PDE11A: variants seen among roughly 807,000 people sequenced by gnomAD.
PDE11A encodes phosphodiesterase 11A.
A neutral mutation model predicts 100.5 loss-of-function variants in PDE11A; 100 were observed. The ratio of observed to expected loss-of-function variants is 1.00; its 90% CI spans 0.85 to 1.18. The LOEUF (loss-of-function observed/expected upper bound fraction) is 1.18. Ranked by LOEUF, PDE11A falls within the 50% of genes most tolerant of loss-of-function variation. The pLI, the probability that PDE11A is intolerant of heterozygous loss-of-function variation, is 0.00. For missense variants in PDE11A, 1,141 were observed against 1,152.6 expected (o/e 0.99, Z 0.15); for synonymous variants, 381 against 420.8 (o/e 0.91, Z 1.16).
At chr2:177,940,238 T>G (rs1262216060) in intron 2 of PDE11A, among the ~76,000 whole-genome samples, 1 of 152,194 alleles carries the variant, frequency 6.6e-6, no homozygotes, top group Non-Finnish European at 1.5e-5. Flanking sequence ...AACAGTATCT[T>G]TTAAAGATTT....
chr2:177,642,417 C>T (rs1358486960), intron 19 of PDE11A, among the ~76,000 whole-genome samples: 1 of 152,202 alleles, frequency 6.6e-6, no homozygotes, highest in Non-Finnish European at 1.5e-5. Flanking sequence ...ATAGCTGATT[C>T]AGTGGGTTCA....
In PDE11A at chr2:177,941,349, A is replaced by G. The variant is rs183373426; in HGVS notation, c.1072-36162T>C. Among the ~76,000 whole-genome samples, 155 of 152,204 alleles carry G rather than the reference A, an allele frequency of 1.0e-3. 1 individual carries two copies. In the Middle Eastern group the frequency reaches 0.01, roughly 10 times the overall value. Reference sequence around the variant, plus strand: ...ACCCCTTTATCAGTTAAATTCCTCAATCCCCAAACCCTAACCCCCTCCACC... The same window carrying G: ...ACCCCTTTATCAGTTAAATTCCTCAGTCCCCAAACCCTAACCCCCTCCACC... On this transcript the variant is annotated intron_variant, in intron 2 of 19. Coordinates refer to ENST00000286063, the MANE Select transcript of PDE11A (RefSeq NM_016953.4).
chr2:178,001,702 G>T (rs1220524911), intron 2 of PDE11A, among the ~76,000 whole-genome samples: 1 of 152,074 alleles, frequency 6.6e-6, no homozygotes. Context: ...TCAAAGGATT[G>T]GTGGTTGCCC....
At chr2:178,047,548 G>A (rs954811343) in intron 1 of PDE11A, among the ~76,000 whole-genome samples, 10 of 151,426 alleles carry the variant, frequency 6.6e-5, no homozygotes, top group African/African-American at 1.7e-4. Context: ...ACAACATGCT[G>A]TTACACAAAT....
In PDE11A at chr2:177,935,839, GCC is replaced by G. The variant is rs1436068061; in HGVS notation, c.1072-30654_1072-30653del. On this transcript the variant is annotated intron_variant, in intron 2 of 19. Coordinates refer to ENST00000286063, the MANE Select transcript of PDE11A (RefSeq NM_016953.4). ...CCAAAAGGGAGTAATAGGGATCTTA[GCC>G]CCAGCTCCCTATCTCCAAGAGATGT... 2.6e-5 allele frequency among the ~76,000 whole-genome samples: 4 copies of G among 152,276 alleles called. No individual in the cohort carries two copies. The South Asian group carries it at 6.2e-4, about 24-fold the overall frequency.
chr2:177,905,174 T>C lies in PDE11A; in HGVS notation c.1085A>G (p.Tyr362Cys). The change falls in exon 3 of 20, where the codon TAT becomes TGT. Residue 362 changes from tyrosine (Y) to cysteine (C), a missense_variant. Coordinates refer to ENST00000286063, the MANE Select transcript of PDE11A (RefSeq NM_016953.4). Reference sequence around the variant, plus strand: ...TATGGCGATTCCACAAAATGGAAGATACATCTGCATAACCTGGGACAAAGA... The same window carrying C: ...TATGGCGATTCCACAAAATGGAAGACACATCTGCATAACCTGGGACAAAGA... ...TEDDEKVMQM[Y>C]LPFCGIAISN... 1.3e-6 allele frequency: 2 copies of C among 1,593,612 alleles called. No individual in the cohort carries two copies. The highest frequency in any genetic ancestry group is 1.7e-6 in the Non-Finnish European group (2 of 1,161,274).
At chr2:178,074,558 G>A (rs1375061864), upstream of PDE11A, among the ~76,000 whole-genome samples, 1 of 152,128 alleles carries the variant, frequency 6.6e-6, no homozygotes, top group African/African-American at 2.4e-5. Context: ...CCTAGAAACA[G>A]AAAGTTTAAT....
At chr2:177,657,075 C>T (rs1303306963) in intron 19 of PDE11A, among the ~76,000 whole-genome samples, 3 of 152,078 alleles carry the variant, frequency 2.0e-5, no homozygotes, top group African/African-American at 7.2e-5. Flanking sequence ...TTTAAAAAAA[C>T]ATCATTTTGT....
At chr2:177,821,785 C>T (rs904224387) in intron 6 of PDE11A, among the ~76,000 whole-genome samples, 3 of 151,844 alleles carry the variant, frequency 2.0e-5, no homozygotes, top group Admixed American at 6.6e-5. Context: ...ATATGCCTTT[C>T]ATTCTCAAAA....
intron 6 of PDE11A, among the ~76,000 whole-genome samples, chr2:177,821,572 C>T (rs1289017465): frequency 6.6e-6 from 1 of 151,754 alleles, no homozygotes. Context: ...TACCAATTTA[C>T]CTTCTAACCA....
intron 19 of PDE11A, among the ~76,000 whole-genome samples, chr2:177,644,051 T>C (rs2080184423): frequency 6.6e-6 from 1 of 152,182 alleles, no homozygotes. Context: ...GGGGCCCTCA[T>C]GGAGAACCTC....
chr2:177,750,999 T>C (rs1245666536), intron 10 of PDE11A, among the ~76,000 whole-genome samples: 4 of 152,092 alleles, frequency 2.6e-5, no homozygotes, highest in Non-Finnish European at 5.9e-5. Flanking sequence ...CAGGTATTGG[T>C]ATTATTTTCA....
At chr2:177,744,862 C>T (rs2081925726) in intron 10 of PDE11A, among the ~76,000 whole-genome samples, 10 of 152,222 alleles carry the variant, frequency 6.6e-5, no homozygotes, top group Admixed American at 6.5e-4. Context: ...TTTGCTAGCT[C>T]TCTTGTTTTA....
intron 19 of PDE11A, among the ~76,000 whole-genome samples, chr2:177,631,311 C>CA (rs1162577475): frequency 0.053 from 2,026 of 38,114 alleles, 125 homozygotes; most frequent in African/African-American, 0.12. Flanking sequence ...AAAAAAAAAA[C>CA]AAAAAAAAAA....
intron 2 of PDE11A, among the ~76,000 whole-genome samples, chr2:177,930,993 G>A (rs1192221581): frequency 6.6e-6 from 1 of 152,156 alleles, no homozygotes; most frequent in African/African-American, 2.4e-5. Flanking sequence ...GACTCACATA[G>A]TCACAGGCTA....
intron 13 of PDE11A, among the ~76,000 whole-genome samples, chr2:177,703,294 C>G (rs2105545191): frequency 6.6e-6 from 1 of 152,164 alleles, no homozygotes; most frequent in African/African-American, 2.4e-5. Context: ...TGACAATGAC[C>G]ATGATATAAG....
chr2:178,091,340 G>A (rs1043767166), intron 2 of PDE11A, among the ~76,000 whole-genome samples: 4 of 152,102 alleles, frequency 2.6e-5, no homozygotes, highest in Non-Finnish European at 5.9e-5. Context: ...CAAAGTGCTG[G>A]GATTACAGGC....
chr2:177,856,209 G>C (rs2083830304), intron 5 of PDE11A, among the ~76,000 whole-genome samples: 1 of 152,000 alleles, frequency 6.6e-6, no homozygotes, highest in East Asian at 1.9e-4. Flanking sequence ...CAAAAATACA[G>C]ACTTCAAAGA....
chr2:177,941,724 A>G (rs1442944332), intron 2 of PDE11A, among the ~76,000 whole-genome samples: 2 of 152,162 alleles, frequency 1.3e-5, no homozygotes, highest in Non-Finnish European at 2.9e-5. Flanking sequence ...GATAGGGAAA[A>G]GTAACATGTT....
Sources: allele counts gnomAD v4.1 joint callset (sites outside exome capture counted in the v4.1 genomes callset), GRCh38; gene constraint gnomAD v4.1.1; transcripts MANE v1.5; gene names NCBI Gene and HGNC (gene_info 2026-07-23, HGNC 2026-07-21).